Variants in CNTN5 observed in about 807,000 individuals in gnomAD.
CNTN5 encodes the protein contactin 5, also known as contactin-5.
In CNTN5, 77 loss-of-function variants were observed where a neutral mutation model predicts 129.1. The ratio of observed to expected loss-of-function variants is 0.60; its 90% CI spans 0.50 to 0.72. CNTN5 has a LOEUF of 0.72. Ranked by LOEUF, CNTN5 falls within the 30% of genes least tolerant of loss-of-function variation. CNTN5 has a pLI of 0.00. For synonymous variants in CNTN5, 509 were observed against 465.6 expected, an observed-to-expected ratio of 1.09 and a Z score of -1.20; for missense variants, 1,478 against 1,328.8, an observed-to-expected ratio of 1.11 and a Z score of -1.75.
At chr11:99,038,167 C>T (rs1863835483) in intron 1 of CNTN5, among the ~76,000 whole-genome samples, 1 of 152,024 alleles carries the variant, frequency 6.6e-6, no homozygotes, top group South Asian at 2.1e-4. Context: ...CATTTCTGGT[C>T]CTTGACCTAA....
chr11:99,093,034 A>T (rs1298918699), intron 1 of CNTN5, among the ~76,000 whole-genome samples: 1 of 152,018 alleles, frequency 6.6e-6, no homozygotes, highest in Non-Finnish European at 1.5e-5. Context: ...TTTAAGATAA[A>T]TTATTTGTAT....
Position 100,343,078 on chromosome 11 carries a change from T to C in CNTN5, c.3030+1873T>C, listed in dbSNP as rs1223310917. Among the ~76,000 whole-genome samples, 23 of 152,196 alleles carry C rather than the reference T, an allele frequency of 1.5e-4. 1 individual carries two copies. The highest frequency in any genetic ancestry group is 1.5e-3 in the Admixed American group (23 of 15,274). ...ATTTCTTAGTGTTGTTGGAGGAGCA[T>C]GTCTCATTAGGTACAATTTTTAAAA... On this transcript the variant is annotated intron_variant, in intron 23 of 24. Coordinates refer to ENST00000524871, the MANE Select transcript of CNTN5 (RefSeq NM_014361.4).
At chr11:99,063,183 C>A (rs1864956971) in intron 1 of CNTN5, among the ~76,000 whole-genome samples, 1 of 151,998 alleles carries the variant, frequency 6.6e-6, no homozygotes, top group Non-Finnish European at 1.5e-5. Flanking sequence ...TTTATCACAG[C>A]CAGTAAAAGG....
At chr11:99,713,431 G>C (rs527919016) in intron 3 of CNTN5, among the ~76,000 whole-genome samples, 2 of 152,156 alleles carry the variant, frequency 1.3e-5, no homozygotes, top group Admixed American at 1.3e-4. Flanking sequence ...ACACAATCAC[G>C]TCATCTGCAA....
At chr11:99,534,977 T>C (rs552252136) in intron 2 of CNTN5, among the ~76,000 whole-genome samples, 4 of 151,518 alleles carry the variant, frequency 2.6e-5, no homozygotes, top group South Asian at 4.2e-4. Context: ...TGGACTGGAG[T>C]GGAATGAATA....
intron 3 of CNTN5, among the ~76,000 whole-genome samples, chr11:99,703,702 A>G (rs1178195447): frequency 6.6e-6 from 1 of 150,944 alleles, no homozygotes; most frequent in Non-Finnish European, 1.5e-5. Context: ...GACATGTTCT[A>G]TTAGTTCAAT....
intron 13 of CNTN5, among the ~76,000 whole-genome samples, chr11:100,108,087 G>T (rs1945515476): frequency 1.3e-5 from 2 of 150,896 alleles, no homozygotes; most frequent in Admixed American, 6.6e-5. Flanking sequence ...TATAAATAAA[G>T]GAGTGAGAAA....
chr11:99,661,870 G>T (rs577389164), intron 3 of CNTN5, among the ~76,000 whole-genome samples: 1 of 152,180 alleles, frequency 6.6e-6, no homozygotes, highest in Non-Finnish European at 1.5e-5. Flanking sequence ...AATGTTAGAA[G>T]ACTTACTTGA....
intron 3 of CNTN5, among the ~76,000 whole-genome samples, chr11:99,691,447 A>T (rs1954037016): frequency 6.6e-6 from 1 of 151,910 alleles, no homozygotes; most frequent in South Asian, 2.1e-4. Context: ...GATGCATTGT[A>T]TCTTTGTTTT....
At chr11:99,488,159 GTTTT>G (rs10716491) in intron 2 of CNTN5, among the ~76,000 whole-genome samples, 9 of 113,804 alleles carry the variant, frequency 7.9e-5, no homozygotes, top group South Asian at 3.2e-4. Context: ...TCTCCAAGAA[GTTTT>G]TTTTTTTTTT....
At chr11:99,961,610 T>C (rs548924887) in intron 8 of CNTN5, among the ~76,000 whole-genome samples, 1 of 152,292 alleles carries the variant, frequency 6.6e-6, no homozygotes, top group Middle Eastern at 3.4e-3. Context: ...ATAAAGGGGA[T>C]TGAAGACATA....
intron 4 of CNTN5, among the ~76,000 whole-genome samples, chr11:99,842,734 A>C (rs1159409024): frequency 6.6e-6 from 1 of 152,200 alleles, no homozygotes; most frequent in Non-Finnish European, 1.5e-5. Flanking sequence ...TGATTTATAA[A>C]AATTTATAGA....
intron 2 of CNTN5, among the ~76,000 whole-genome samples, chr11:99,448,024 GC>G (rs1257660043): frequency 6.6e-6 from 1 of 152,074 alleles, no homozygotes; most frequent in African/African-American, 2.4e-5. Flanking sequence ...AGCATGATTT[GC>G]TTGAATAAAT....
Position 99,944,122 on chromosome 11 carries a change from C to G in CNTN5, c.674-12684C>G, listed in dbSNP as rs1950505098. Among the ~76,000 whole-genome samples the G allele has an allele frequency of 4.6e-5, 7 of 151,154 alleles. No homozygotes were observed. The South Asian group carries it at 1.3e-3, about 28-fold the overall frequency. On this transcript the variant is annotated intron_variant, in intron 7 of 24. Transcript: ENST00000524871. ...GGAAAAGTATTCAGTCTATGAATTA[C>G]TTCAGGCAGTATGGTCATTTTCATA... is the stretch of plus-strand genomic sequence containing the variant.
chr11:99,035,414 T>C (rs138413346), intron 1 of CNTN5, among the ~76,000 whole-genome samples: 3,474 of 152,202 alleles, frequency 0.023, 49 homozygotes, highest in Non-Finnish European at 0.034. Flanking sequence ...TAAGTCTCTT[T>C]GTAGGTCACT....
At chr11:99,772,205 A>G (rs1476793731) in intron 3 of CNTN5, among the ~76,000 whole-genome samples, 1 of 151,430 alleles carries the variant, frequency 6.6e-6, no homozygotes, top group Non-Finnish European at 1.5e-5. Context: ...TTAGTCATTG[A>G]GGGTACAAAG....
In CNTN5 at chr11:100,234,792, TAAAAAAAAAAA is replaced by T. The variant is rs781363668; in HGVS notation, c.2005+9995_2005+10005del. On this transcript the variant is annotated intron_variant, in intron 16 of 24. Transcript: ENST00000524871. The stretch of plus-strand genomic sequence containing the variant: ...CATTCTGCACATGTATCCCAGAATT[TAAAAAAAAAAA>T]AAAAAAAAAAAAAAGAAGAAGAAGG... Among the ~76,000 whole-genome samples the T allele has an allele frequency of 9.2e-3, 942 of 102,108 alleles. 7 individuals carry two copies. Among genetic ancestry groups the T allele is most frequent in the African/African-American group, 0.032 (890 of 28,090 alleles). 67.0% of individuals were successfully genotyped at this position (102,108 alleles called of 152,430 possible). A position where few individuals can be genotyped will look rare whatever the true frequency, so the allele number is the denominator to read the frequency against.
At chr11:99,241,682 G>A (rs1046690640) in intron 1 of CNTN5, among the ~76,000 whole-genome samples, 4 of 151,702 alleles carry the variant, frequency 2.6e-5, no homozygotes, top group Admixed American at 6.6e-5. Flanking sequence ...CTTTTATTAC[G>A]TCTATAAAAA....
intron 6 of CNTN5, among the ~76,000 whole-genome samples, chr11:99,862,389 A>G (rs965176351): frequency 1.3e-4 from 19 of 151,944 alleles, no homozygotes; most frequent in Non-Finnish European, 2.4e-4. Flanking sequence ...GGATTCTGAC[A>G]TGGAGACAAA....
Sources: gnomAD v4.1 joint callset for allele counts (sites outside exome capture counted in the v4.1 genomes callset) on GRCh38, gnomAD v4.1.1 for gene constraint, MANE v1.5 for transcripts, NCBI Gene and HGNC (gene_info 2026-07-23, HGNC 2026-07-21) for gene names.